ABCC1: variants seen among roughly 807,000 people sequenced by gnomAD.
ABCC1 encodes multidrug resistance-associated protein 1.
ABCC1 carries 83 observed loss-of-function variants against 172.9 expected under a neutral mutation model. The ratio of observed to expected loss-of-function variants is 0.48; its 90% CI spans 0.40 to 0.58. The LOEUF is 0.58. ABCC1 is among the 20% of genes least tolerant of loss of function. ABCC1 has a pLI of 0.00. For missense variants in ABCC1, 1,817 were observed against 2,002.7 expected (o/e 0.91, Z 1.77); for synonymous variants, 937 against 825.2 (o/e 1.14, Z -2.32).
rs2047616315 is a variant in ABCC1, at chr16:16,007,995, A to G, written c.225+3A>G. On this transcript the variant is annotated splice_donor_region_variant and intron_variant, in intron 2 of 30. Coordinates refer to ENST00000399410, the MANE Select transcript of ABCC1 (RefSeq NM_004996.4). ...CACCTCTCAACAAAACCAAAACTGT[A>G]AGTCACTGGGGGGTTTCGTTGTGGG... 3 of 677,114 alleles carry G rather than the reference A, an allele frequency of 4.4e-6. No homozygotes were observed. Among genetic ancestry groups the G allele is most frequent in the South Asian group, 1.5e-5 (1 of 64,738 alleles). 41.9% of individuals were successfully genotyped at this position (677,114 alleles called of 1,614,324 possible). A position where few individuals can be genotyped will look rare whatever the true frequency, so the allele number is the denominator to read the frequency against.
intron 1 of ABCC1, among the ~76,000 whole-genome samples, chr16:16,006,656 C>T (rs12934692): frequency 0.5 from 75,555 of 151,764 alleles, 19,675 homozygotes; most frequent in Non-Finnish European, 0.59. Context: ...CAACATTGCC[C>T]GAGTTTGAAT....
intron 15 of ABCC1, among the ~76,000 whole-genome samples, chr16:16,077,234 C>G (rs2050610529): frequency 6.6e-6 from 1 of 152,156 alleles, no homozygotes; most frequent in African/African-American, 2.4e-5. Context: ...GCCTGGGTAG[C>G]CAAATCACTG....
At chr16:16,054,683 A>G (rs1486298326) in intron 11 of ABCC1, among the ~76,000 whole-genome samples, 1 of 151,890 alleles carries the variant, frequency 6.6e-6, no homozygotes, top group Non-Finnish European at 1.5e-5. Flanking sequence ...GAGTGGCCCG[A>G]CTCAACCCAT....
chr16:16,069,158 A>T (rs1355316902), intron 13 of ABCC1, among the ~76,000 whole-genome samples: 3 of 140,944 alleles, frequency 2.1e-5, no homozygotes, highest in East Asian at 4.0e-4. Flanking sequence ...AAAATAAAAT[A>T]AAATAAAATA....
chr16:16,086,153 C>T (rs1367387859), intron 17 of ABCC1, among the ~76,000 whole-genome samples: 1 of 152,228 alleles, frequency 6.6e-6, no homozygotes. Context: ...TCACGGCCTT[C>T]CCACTGGTCA....
intron 19 of ABCC1, among the ~76,000 whole-genome samples, chr16:16,094,925 C>T (rs2051410139): frequency 6.8e-6 from 1 of 147,872 alleles, no homozygotes; most frequent in African/African-American, 2.5e-5. Context: ...TCAAGAAATT[C>T]TTGTGCCTCA....
At chr16:16,039,565 G>A (rs1415422953) in intron 7 of ABCC1, among the ~76,000 whole-genome samples, 2 of 152,036 alleles carry the variant, frequency 1.3e-5, no homozygotes, top group East Asian at 1.9e-4. Context: ...TACTGTGTCC[G>A]GCTGAGAGAG....
At chr16:16,089,584 A>G (rs1035935892) in intron 18 of ABCC1, among the ~76,000 whole-genome samples, 1 of 151,304 alleles carries the variant, frequency 6.6e-6, no homozygotes, top group Non-Finnish European at 1.5e-5. Context: ...AAATTAAGCC[A>G]TTGGGCTGGG....
At chr16:16,080,290 T>C (rs1165304694) in intron 16 of ABCC1, among the ~76,000 whole-genome samples, 1 of 152,152 alleles carries the variant, frequency 6.6e-6, no homozygotes, top group South Asian at 2.1e-4. Context: ...AACAAAAATG[T>C]TTATGTGGTT....
At chr16:16,036,413 C>T (rs919225705) in intron 6 of ABCC1, 59 bp from the exon 7 acceptor site, 21 of 1,542,922 alleles carry the variant, frequency 1.4e-5, no homozygotes, top group Non-Finnish European at 1.8e-5. Context: ...TGAGCCCCGT[C>T]CTCCCCCTCC....
At chr16:16,139,735 G>A (rs890764744) in intron 30 of ABCC1, among the ~76,000 whole-genome samples, 7 of 151,972 alleles carry the variant, frequency 4.6e-5, no homozygotes, top group Non-Finnish European at 1.0e-4. Flanking sequence ...CATCAGTGCC[G>A]GGGACCACAA....
Position 16,141,236 on chromosome 16 carries a change from G to C in ABCC1, c.4551G>C (p.Gln1517His), listed in dbSNP as rs587783374. Residue 1517 changes from glutamine (Q) to histidine (H), a missense_variant, in exon 31 of 31, where the codon CAG becomes CAC. Gln to His is a conservative substitution (Grantham distance 24, BLOSUM62 0). Around this residue, in one of 3 missense-constraint regions of ABCC1, gnomAD observed 1,412 missense variants for 1,600.3 expected, o/e 0.88. Coordinates refer to ENST00000399410, the MANE Select transcript of ABCC1 (RefSeq NM_004996.4). ...EYGAPSDLLQ[Q>H]RGLFYSMAKD... ...GCGCCCCATCGGACCTCCTGCAGCAGAGAGGTCTTTTCTACAGCATGGCCA... is the reference window on the plus strand; with the variant it reads ...GCGCCCCATCGGACCTCCTGCAGCACAGAGGTCTTTTCTACAGCATGGCCA... 6.2e-7 allele frequency: 1 copy of C among 1,613,954 alleles called. No homozygotes were observed. Among genetic ancestry groups the C allele is most frequent in the Non-Finnish European group, 8.5e-7 (1 of 1,180,030 alleles).
At chr16:16,098,736 T>C (rs532643849) in intron 19 of ABCC1, 2 of 720,760 alleles carry the variant, frequency 2.8e-6, no homozygotes, top group East Asian at 1.1e-4. Flanking sequence ...GACGCACAAA[T>C]GGAGCAGACC....
At chr16:16,067,315 G>A (rs1045050288) in intron 12 of ABCC1, among the ~76,000 whole-genome samples, 4 of 152,182 alleles carry the variant, frequency 2.6e-5, no homozygotes, top group Non-Finnish European at 5.9e-5. Flanking sequence ...CATCTGTCTT[G>A]TTAATGTCAG....
At chr16:16,085,133 A>G (rs2050958881) in intron 17 of ABCC1, among the ~76,000 whole-genome samples, 1 of 152,014 alleles carries the variant, frequency 6.6e-6, no homozygotes, top group Non-Finnish European at 1.5e-5. Context: ...TTACCTGCTC[A>G]TTTTGTCATC....
intron 21 of ABCC1, among the ~76,000 whole-genome samples, chr16:16,108,651 A>C (rs2052251545): frequency 6.8e-6 from 1 of 147,500 alleles, no homozygotes; most frequent in South Asian, 2.1e-4. Flanking sequence ...GATGGAGTGC[A>C]GTGGCACAAT....
rs1400522504 is a variant in ABCC1, at chr16:15,958,825, A to G, written c.48+9026A>G. On this transcript the variant is annotated intron_variant, in intron 1 of 30. Coordinates refer to ENST00000399410, the MANE Select transcript of ABCC1 (RefSeq NM_004996.4). ...GAAGCTGTATTTTGCGGGTGGGGACATGGAGCACAGTTGCTCAGTGTCGGC... is the reference window on the plus strand; with the variant it reads ...GAAGCTGTATTTTGCGGGTGGGGACGTGGAGCACAGTTGCTCAGTGTCGGC... Among the ~76,000 whole-genome samples, 4 of 152,294 alleles carry G rather than the reference A, an allele frequency of 2.6e-5. No homozygotes were observed. The South Asian group carries it at 6.2e-4, about 24-fold the overall frequency.
At chr16:15,959,408 C>T (rs1485149142) in intron 1 of ABCC1, among the ~76,000 whole-genome samples, 1 of 152,172 alleles carries the variant, frequency 6.6e-6, no homozygotes, top group East Asian at 1.9e-4. Context: ...TCACTGCAGC[C>T]TCGACCTCCT....
intron 19 of ABCC1, among the ~76,000 whole-genome samples, chr16:16,096,661 G>A (rs2051493955): frequency 1.3e-5 from 2 of 152,162 alleles, no homozygotes; most frequent in South Asian, 4.1e-4. Flanking sequence ...GCTGTGAGTT[G>A]AATTCTTCCC....
Sources: allele counts gnomAD v4.1 joint callset (sites outside exome capture counted in the v4.1 genomes callset), GRCh38; gene constraint gnomAD v4.1.1; regional missense constraint gnomAD v4.1.1; transcripts MANE v1.5; gene names NCBI Gene and HGNC (gene_info 2026-07-23, HGNC 2026-07-21).